The following PALS1 variants were observed in gnomAD, a reference collection of about 807,000 sequenced individuals.
PALS1 encodes protein PALS1.
In PALS1, 31 loss-of-function variants were observed where a neutral mutation model predicts 78.9. The ratio of observed to expected loss-of-function variants is 0.39; its 90% confidence interval spans 0.30 to 0.53. The LOEUF is 0.53. Ranked by LOEUF, PALS1 falls within the 20% of genes least tolerant of loss-of-function variation. The pLI, the probability that PALS1 is intolerant of heterozygous loss-of-function variation, is 0.67. For missense variants in PALS1, 704 were observed against 826.5 expected (o/e 0.85, Z 1.82); for synonymous variants, 276 against 270.9 (o/e 1.02, Z -0.18).
At position 67,291,298 on chromosome 14, in the gene PALS1, G is replaced by A. The variant is rs149327726; in HGVS notation, c.368-1213G>A. Among the ~76,000 whole-genome samples, 637 of 150,228 alleles carry A rather than the reference G, an allele frequency of 4.2e-3. 17 individuals are homozygous for A. In the East Asian group the frequency reaches 0.056, roughly 13 times the overall value. ...GGCTAGAATGCAATGGTGTGATCTC[G>A]GCTCACTGCAACCTCCGCCTCCTGG... On this transcript the variant is annotated intron_variant, in intron 3 of 14. Transcript: ENST00000261681.
At chr14:67,292,893 A>G in intron 4 of PALS1, among the ~76,000 whole-genome samples, 174 bp downstream of exon 4, 1 of 152,326 alleles carries the variant, frequency 6.6e-6, no homozygotes, top group East Asian at 1.9e-4. Flanking sequence ...CTAAAAACAA[A>G]AAAAGTTTAC....
At chr14:67,259,188 A>G (rs552747126) in intron 1 of PALS1, among the ~76,000 whole-genome samples, 7 of 151,610 alleles carry the variant, frequency 4.6e-5, no homozygotes, top group Admixed American at 2.6e-4. Flanking sequence ...TGAATGTTCT[A>G]TGTATGTATA....
intron 1 of PALS1, among the ~76,000 whole-genome samples, chr14:67,243,270 T>C (rs1458035188): frequency 6.6e-6 from 1 of 151,764 alleles, no homozygotes; most frequent in Non-Finnish European, 1.5e-5. Flanking sequence ...CACTGCAGTC[T>C]CCACCTCCCT....
At chr14:67,315,178 A>G (rs1343827684) in intron 9 of PALS1, among the ~76,000 whole-genome samples, 1 of 152,134 alleles carries the variant, frequency 6.6e-6, no homozygotes, top group East Asian at 1.9e-4. Flanking sequence ...GTGCCACAGA[A>G]GTACATCATT....
rs1491090879 is a variant in PALS1 at position 67,289,768 on chromosome 14, C to CTTTTTTTTTTTT, written c.368-2743_368-2742insTTTTTTTTTTTT. On this transcript the variant is annotated intron_variant, in intron 3 of 14. Coordinates refer to ENST00000261681, the MANE Select transcript of PALS1 (RefSeq NM_022474.4). The stretch of plus-strand genomic sequence containing the variant: ...ACATTGGGAAGATTTTTTTCCATGT[C>CTTTTTTTTTTTT]CTTTTTTTTTTTTTTTTTTTTTGAG... 5.2e-5 allele frequency among the ~76,000 whole-genome samples: 5 copies of CTTTTTTTTTTTT among 95,508 alleles called. 2 individuals are homozygous for CTTTTTTTTTTTT. Among genetic ancestry groups the CTTTTTTTTTTTT allele is most frequent in the African/African-American group, 8.3e-5 (2 of 24,024 alleles). The allele number at this position is 95,508 out of a possible 152,430, so 62.7% of individuals were successfully genotyped here.
intron 3 of PALS1, among the ~76,000 whole-genome samples, chr14:67,280,967 G>A (rs2084601564): frequency 6.7e-6 from 1 of 149,498 alleles, no homozygotes; most frequent in African/African-American, 2.5e-5. Flanking sequence ...TGCAATCTTC[G>A]GCTCACAGCA....
chr14:67,325,441 C>G (rs1214791797), intron 14 of PALS1, among the ~76,000 whole-genome samples: 4 of 152,086 alleles, frequency 2.6e-5, no homozygotes, highest in African/African-American at 9.7e-5. Flanking sequence ...CCGCCATATA[C>G]CTACAAATTC....
In PALS1 at chr14:67,332,850, C is replaced by T. The variant is rs774877439; in HGVS notation, c.1922C>T (p.Thr641Met). 34 of 1,613,724 alleles carry T rather than the reference C, an allele frequency of 2.1e-5. No individual in the cohort carries two copies. The highest frequency in any genetic ancestry group is 1.6e-4 in the East Asian group (7 of 44,892). The change falls in exon 15 of 15, where the codon ACG becomes ATG. Residue 641 changes from threonine to methionine, a missense_variant. Thr to Met is a moderately conservative substitution (Grantham distance 81). Coordinates refer to ENST00000261681, the MANE Select transcript of PALS1 (RefSeq NM_022474.4). Reference protein sequence around the residue: ...MEQNNGHYFDTAIVNSDLDKA... With the variant: ...MEQNNGHYFDMAIVNSDLDKA... ...CAGAACAATGGCCACTACTTTGATA[C>T]GGCAATTGTGAATTCCGATCTTGAT...
At chr14:67,313,369 CA>C (rs2085121945) in intron 9 of PALS1, among the ~76,000 whole-genome samples, 2 of 152,170 alleles carry the variant, frequency 1.3e-5, no homozygotes, top group South Asian at 4.1e-4. Flanking sequence ...AGTGTATTTA[CA>C]CAAACCTAGA....
At chr14:67,325,502 C>G (rs112110269) in intron 14 of PALS1, among the ~76,000 whole-genome samples, 1,606 of 152,138 alleles carry the variant, frequency 0.011, 27 homozygotes, top group African/African-American at 0.036. Context: ...TGGGATGATA[C>G]AAAGGAAATA....
At chr14:67,288,099 A>G (rs1345172152) in intron 3 of PALS1, among the ~76,000 whole-genome samples, 1 of 151,722 alleles carries the variant, frequency 6.6e-6, no homozygotes, top group Non-Finnish European at 1.5e-5. Flanking sequence ...TTTTCCTTCG[A>G]GACAGAGTCT....
At chr14:67,249,598 G>T (rs1189718418) in intron 1 of PALS1, among the ~76,000 whole-genome samples, 1 of 152,132 alleles carries the variant, frequency 6.6e-6, no homozygotes, top group African/African-American at 2.4e-5. Flanking sequence ...TATCTAATAA[G>T]TTCAAATATT....
chr14:67,272,182 A>G (rs938925331), intron 2 of PALS1: 1 of 152,212 alleles, frequency 6.6e-6, no homozygotes, highest in African/African-American at 2.4e-5. Context: ...CTCTTATTCT[A>G]TGGAATTAAG....
chr14:67,244,269 A>G (rs1361692292), intron 1 of PALS1, among the ~76,000 whole-genome samples: 1 of 152,208 alleles, frequency 6.6e-6, no homozygotes, highest in Non-Finnish European at 1.5e-5. Flanking sequence ...ATACCTACCT[A>G]TAAGTGGAAT....
intron 3 of PALS1, among the ~76,000 whole-genome samples, chr14:67,287,666 C>G (rs1227975154): frequency 2.0e-5 from 3 of 152,086 alleles, no homozygotes; most frequent in Non-Finnish European, 4.4e-5. Flanking sequence ...GTGTTAAATG[C>G]TTTTGTTATC....
chr14:67,295,892 G>C (rs190578082), intron 4 of PALS1, among the ~76,000 whole-genome samples: 135 of 152,262 alleles, frequency 8.9e-4, no homozygotes, highest in African/African-American at 3.1e-3. Context: ...TGTGTCCACA[G>C]AAAAGCTTAA....
Position 67,320,414 on chromosome 14 carries a change from TCCCA to T in PALS1, c.1537+18_1537+21del. On this transcript the variant is annotated intron_variant, in intron 12 of 14. Transcript: ENST00000261681. Reference sequence around the variant, plus strand: ...CAGTTCCTCGTAAGTTTGAATGCATTCCCATTTTCCTGTGCTTTTCAATTTACCA... The same window carrying T: ...CAGTTCCTCGTAAGTTTGAATGCATTTTTTCCTGTGCTTTTCAATTTACCA... 2 of 1,574,080 alleles carry T rather than the reference TCCCA, an allele frequency of 1.3e-6. No individual in the cohort carries two copies. The highest frequency in any genetic ancestry group is 1.7e-6 in the Non-Finnish European group (2 of 1,161,270).
chr14:67,260,195 T>A (rs1249481625), intron 1 of PALS1, among the ~76,000 whole-genome samples: 1 of 152,222 alleles, frequency 6.6e-6, no homozygotes, highest in Non-Finnish European at 1.5e-5. Flanking sequence ...TTGATTTAAC[T>A]GTATTCGTAA....
intron 8 of PALS1, among the ~76,000 whole-genome samples, chr14:67,311,357 A>T (rs1233633243): frequency 1.3e-5 from 2 of 151,770 alleles, no homozygotes; most frequent in Non-Finnish European, 2.9e-5. Context: ...ATTTGGATAG[A>T]AATGGACCTT....
Sources: gnomAD v4.1 joint callset for allele counts (sites outside exome capture counted in the v4.1 genomes callset) on GRCh38, gnomAD v4.1.1 for gene constraint, MANE v1.5 for transcripts, NCBI Gene and HGNC (gene_info 2026-07-23, HGNC 2026-07-21) for gene names.